The following SLC14A2 variants were observed in gnomAD, a reference collection of about 807,000 sequenced individuals.
SLC14A2 encodes the protein solute carrier family 14 member 2.
In SLC14A2, 91 loss-of-function variants were observed where a neutral mutation model predicts 104.6. The observed-to-expected ratio is 0.87, with a 90% confidence interval of 0.73 to 1.04. The LOEUF (loss-of-function observed/expected upper bound fraction) is 1.04, where lower values mean the gene tolerates loss of function less well. SLC14A2 is among the 50% of genes least tolerant of loss of function. The pLI is 0.00. For synonymous variants in SLC14A2, 476 were observed against 466.4 expected (o/e 1.02, Z -0.27); for missense variants, 1,189 against 1,156.0 (o/e 1.03, Z -0.41).
At chr18:45,398,585 T>TTTTA (rs1598756331) in intron 1 of SLC14A2, among the ~76,000 whole-genome samples, 2 of 151,364 alleles carry the variant, frequency 1.3e-5, no homozygotes, top group African/African-American at 2.4e-5. Context: ...CAAATTGTGG[T>TTTTA]TATATACATA....
intron 1 of SLC14A2, among the ~76,000 whole-genome samples, chr18:45,237,776 G>A (rs1445074698): frequency 6.6e-6 from 1 of 152,214 alleles, no homozygotes; most frequent in Non-Finnish European, 1.5e-5. Context: ...CTTCCTGAGA[G>A]GCTGACAGTA....
intron 2 of SLC14A2, among the ~76,000 whole-genome samples, chr18:45,578,318 C>T (rs1156510531): frequency 2.6e-5 from 4 of 152,224 alleles, no homozygotes; most frequent in Non-Finnish European, 4.4e-5. Context: ...TAATTGTTGA[C>T]TTGTTTTTCT....
rs148313434 is a variant in SLC14A2, at chr18:45,499,761, G to T, written c.-35+16439G>T. Among the ~76,000 whole-genome samples the T allele has an allele frequency of 3.9e-3, 587 of 152,250 alleles. 2 individuals carry two copies. Among genetic ancestry groups the T allele is most frequent in the Non-Finnish European group, 4.9e-3 (333 of 68,008 alleles). On this transcript the variant is annotated intron_variant, in intron 2 of 20. Coordinates refer to the SLC14A2 transcript ENST00000586448. Reference sequence around the variant, plus strand: ...GGGCACCACATTGTGATTTGACCTGGGTCCATGTCCCAGTTTGTAGACTGG... The same window carrying T: ...GGGCACCACATTGTGATTTGACCTGTGTCCATGTCCCAGTTTGTAGACTGG...
chr18:45,620,281 G>C (rs533652136), intron 1 of SLC14A2, among the ~76,000 whole-genome samples: 5 of 152,360 alleles, frequency 3.3e-5, no homozygotes, highest in African/African-American at 1.2e-4. Flanking sequence ...CAGAGTAATG[G>C]AGAGCGCAGT....
chr18:45,391,554 T>C (rs111907041), intron 1 of SLC14A2, among the ~76,000 whole-genome samples: 10 of 152,252 alleles, frequency 6.6e-5, no homozygotes, highest in Non-Finnish European at 1.0e-4. Flanking sequence ...AGTGTAAAAG[T>C]GTTCCTATTT....
chr18:45,255,945 A>G (rs1319763665), intron 1 of SLC14A2, among the ~76,000 whole-genome samples: 2 of 152,110 alleles, frequency 1.3e-5, no homozygotes, highest in Non-Finnish European at 2.9e-5. Context: ...TATGCTTTCT[A>G]GAGATCTTAA....
At chr18:45,170,228 T>C in the SLC14A2 span, among the ~76,000 whole-genome samples, 1 of 152,188 alleles carries the variant, frequency 6.6e-6, no homozygotes, top group Admixed American at 6.6e-5. Context: ...CTCCTTTTGC[T>C]CTACAACTTC....
At chr18:45,410,368 G>T (rs1229746018) in intron 1 of SLC14A2, among the ~76,000 whole-genome samples, 4 of 151,998 alleles carry the variant, frequency 2.6e-5, no homozygotes, top group Admixed American at 2.0e-4. Flanking sequence ...AGGTCATTTG[G>T]GATGGTCTTA....
chr18:45,416,995 T>C (rs1174119253), intron 1 of SLC14A2, among the ~76,000 whole-genome samples: 1 of 152,194 alleles, frequency 6.6e-6, no homozygotes, highest in Non-Finnish European at 1.5e-5. Flanking sequence ...GTGGTACTTG[T>C]GCACATCCAC....
chr18:45,319,497 T>A (rs2085163715), intron 1 of SLC14A2, among the ~76,000 whole-genome samples: 1 of 152,228 alleles, frequency 6.6e-6, no homozygotes, highest in Non-Finnish European at 1.5e-5. Context: ...TCTGTGTATT[T>A]GTGTGCACCA....
intron 1 of SLC14A2, among the ~76,000 whole-genome samples, chr18:45,315,438 C>G (rs2085119871): frequency 1.3e-5 from 2 of 152,184 alleles, no homozygotes; most frequent in Non-Finnish European, 2.9e-5. Context: ...ACACTACCAT[C>G]TGAATATTCT....
chr18:45,399,099 T>A (rs2086067610), intron 1 of SLC14A2, among the ~76,000 whole-genome samples: 1 of 152,224 alleles, frequency 6.6e-6, no homozygotes, highest in Admixed American at 6.5e-5. Context: ...GTAAATTCTA[T>A]GATTGCCCCC....
chr18:45,209,127 T>A (rs1315365439), upstream of SLC14A2, among the ~76,000 whole-genome samples: 1 of 138,652 alleles, frequency 7.2e-6, no homozygotes, highest in East Asian at 2.1e-4. Flanking sequence ...ATGAGGTCAG[T>A]AGATCGAGAC....
At chr18:45,246,322 T>C (rs1745967503) in intron 1 of SLC14A2, among the ~76,000 whole-genome samples, 1 of 152,100 alleles carries the variant, frequency 6.6e-6, no homozygotes, top group African/African-American at 2.4e-5. Context: ...TAAATTTCTG[T>C]AGTCTAAGCC....
At chr18:45,574,255 GAGA>G in intron 2 of SLC14A2, among the ~76,000 whole-genome samples, 1 of 152,316 alleles carries the variant, frequency 6.6e-6, no homozygotes, top group East Asian at 1.9e-4. Flanking sequence ...GAGTTATGGG[GAGA>G]AGGAGCATGG....
the SLC14A2 span, among the ~76,000 whole-genome samples, chr18:45,170,030 A>C: frequency 6.6e-6 from 1 of 152,184 alleles, no homozygotes; most frequent in African/African-American, 2.4e-5. Context: ...GGCTGCAATG[A>C]TGAGTAAAAT....
chr18:45,500,437 C>T (rs1206214186), intron 2 of SLC14A2, among the ~76,000 whole-genome samples: 5 of 151,926 alleles, frequency 3.3e-5, no homozygotes, highest in Non-Finnish European at 2.9e-5. Flanking sequence ...ATTAGCGGGG[C>T]GTGGTAGCGG....
chr18:45,328,311 G>A (rs564156704), intron 1 of SLC14A2, among the ~76,000 whole-genome samples: 4 of 152,308 alleles, frequency 2.6e-5, no homozygotes, highest in African/African-American at 9.6e-5. Context: ...TATGCTGCTT[G>A]TGGCTCAAGT....
At chr18:45,226,204 C>T (rs901920402) in intron 1 of SLC14A2, among the ~76,000 whole-genome samples, 1 of 152,180 alleles carries the variant, frequency 6.6e-6, no homozygotes, top group African/African-American at 2.4e-5. Flanking sequence ...AATAGGAACA[C>T]TTTTACACTG....
Sources: gnomAD v4.1 joint callset for allele counts (sites outside exome capture counted in the v4.1 genomes callset) on GRCh38, gnomAD v4.1.1 for gene constraint, MANE v1.5 for transcripts, NCBI Gene and HGNC (gene_info 2026-07-23, HGNC 2026-07-21) for gene names.